The following RNPS1 variants were observed in gnomAD, a reference collection of about 807,000 sequenced individuals.
RNPS1 encodes the protein RNA binding protein with serine rich domain 1.
For synonymous variants in RNPS1, 147 were observed against 150.0 expected (o/e 0.98, Z 0.15); for missense variants, 300 against 427.6 (o/e 0.70, Z 2.63).
chr16:2,258,321 C>T (rs983538600), intron 6 of RNPS1: 1 of 152,236 alleles, frequency 6.6e-6, no homozygotes. Context: ...AAATGTTAAT[C>T]TACGCATATT....
intron 7 of RNPS1, 108 bp from the exon 8 acceptor site, chr16:2,254,171 C>CT (rs2093565911): frequency 2.5e-6 from 2 of 800,358 alleles, no homozygotes; most frequent in Non-Finnish European, 3.8e-6. Context: ...GAATATCACT[C>CT]TGTCTCCAGG....
At chr16:2,263,589 G>A (rs546943743) in intron 3 of RNPS1, among the ~76,000 whole-genome samples, 11 of 152,308 alleles carry the variant, frequency 7.2e-5, no homozygotes, top group African/African-American at 2.6e-4. Context: ...AGGCTGGGAA[G>A]GCAGCTGCTG....
intron 6 of RNPS1, among the ~76,000 whole-genome samples, chr16:2,259,888 C>CA (rs975308998): frequency 2.6e-5 from 4 of 151,386 alleles, no homozygotes; most frequent in South Asian, 2.1e-4. Flanking sequence ...GACTCCGTCT[C>CA]AAAAAAAAGA....
At position 2,267,667 on chromosome 16, in the gene RNPS1, C is replaced by T. The variant is rs556282568; in HGVS notation, c.-118+388G>A. ...TACCCGTCCGCGTTCACTCACAACT[C>T]CCCCGTCCAGGCGCCGGGCCGCGAG... On this transcript the variant is annotated intron_variant, in intron 1 of 7. Transcript: ENST00000320225. The T allele has an allele frequency of 4.5e-4, 512 of 1,144,694 alleles. 1 individual carries two copies. In the African/African-American group the frequency reaches 7.9e-3, roughly 18 times the overall value. The allele number at this position is 1,144,694 out of a possible 1,614,324, so 70.9% of individuals were successfully genotyped here.
intron 7 of RNPS1, among the ~76,000 whole-genome samples, 200 bp downstream of exon 7, chr16:2,255,385 G>A (rs1344501411): frequency 1.3e-5 from 2 of 152,226 alleles, no homozygotes; most frequent in Non-Finnish European, 2.9e-5. Context: ...CTGTGTTGGT[G>A]CAACTCTAGG....
chr16:2,255,911 A>G, intron 6 of RNPS1, 185 bp from the exon 7 acceptor site: 1 of 620,936 alleles, frequency 1.6e-6, no homozygotes, highest in Non-Finnish European at 2.8e-6. Context: ...GTGGATCACG[A>G]GGTCAGGAGA....
At chr16:2,263,448 C>T (rs1373233586) in intron 3 of RNPS1, among the ~76,000 whole-genome samples, 161 bp from the exon 4 acceptor site, 1 of 152,170 alleles carries the variant, frequency 6.6e-6, no homozygotes, top group Non-Finnish European at 1.5e-5. Flanking sequence ...CCCAATCCCC[C>T]AGCAAGTCAG....
chr16:2,257,709 G>C (rs977965104), intron 6 of RNPS1: 1 of 152,212 alleles, frequency 6.6e-6, no homozygotes, highest in African/African-American at 2.4e-5. Context: ...CAGCTGATGT[G>C]AGCGCACAGA....
chr16:2,264,640 C>T lies in RNPS1; in HGVS notation c.4G>A (p.Asp2Asn). M[D>N]LSGVKKKSLL... Reference sequence around the variant, plus strand: ...CTCTTCTTTTTCACTCCTGATAAATCCATTCTCCCCTTCTGAGGTGTTCAA... The same window carrying T: ...CTCTTCTTTTTCACTCCTGATAAATTCATTCTCCCCTTCTGAGGTGTTCAA... The change falls in exon 2 of 8, where the codon GAT becomes AAT. Residue 2 changes from aspartate to asparagine, a missense_variant. Transcript: ENST00000320225. 6.2e-7 allele frequency: 1 copy of T among 1,612,414 alleles called. No homozygotes were observed. The highest frequency in any genetic ancestry group is 8.5e-7 in the Non-Finnish European group (1 of 1,179,844).
intron 1 of RNPS1, chr16:2,266,724 G>C: frequency 1.0e-6 from 1 of 985,184 alleles, no homozygotes; most frequent in Non-Finnish European, 1.2e-6. Flanking sequence ...AATAGAAACC[G>C]TGTGAGGAGC....
chr16:2,263,393 T>C, intron 3 of RNPS1, 106 bp from the exon 4 acceptor site: 1 of 1,144,960 alleles, frequency 8.7e-7, no homozygotes, highest in South Asian at 1.4e-5. Context: ...GCTGTTCGGG[T>C]GCCTCCAGGC....
intron 1 of RNPS1, 42 bp downstream of exon 1, chr16:2,268,013 G>GC (rs1013175394): frequency 1.0e-5 from 16 of 1,533,662 alleles, no homozygotes; most frequent in Non-Finnish European, 1.3e-5. Context: ...CTGCCGGGCA[G>GC]CCCCCGAAAC....
intron 6 of RNPS1, among the ~76,000 whole-genome samples, chr16:2,260,344 C>T (rs1007091377): frequency 2.6e-4 from 40 of 151,780 alleles, no homozygotes; most frequent in Admixed American, 6.6e-4. Flanking sequence ...TTATTAGAGA[C>T]GGGGTTTCAC....
intron 6 of RNPS1, among the ~76,000 whole-genome samples, chr16:2,259,688 G>C (rs2093594352): frequency 6.6e-6 from 1 of 152,324 alleles, no homozygotes; most frequent in East Asian, 1.9e-4. Context: ...AGGAGATCCA[G>C]ACCATCCTGG....
rs761829382 is a variant in RNPS1 at position 2,254,052 on chromosome 16, G to A, written c.830C>T (p.Pro277Leu). ...PPRMRRRSRS[P>L]RRRSPVRRRS... ...CCGGCGCACGGGGGACCTGCGCCTC[G>A]GGGAGCGGGACCTGCGGGAAGAGGA... The change falls in exon 8 of 8, where the codon CCG becomes CTG. Residue 277 changes from proline (P) to leucine (L), a missense_variant. By Grantham distance (98) the Pro-to-Leu change is moderately conservative. Coordinates refer to ENST00000320225, the MANE Select transcript of RNPS1 (RefSeq NM_080594.4). The A allele has an allele frequency of 1.0e-5, 15 of 1,488,248 alleles. No homozygotes were observed. The highest frequency in any genetic ancestry group is 5.0e-5 in the East Asian group (2 of 40,218). The allele number at this position is 1,488,248 out of a possible 1,614,324, so 92.2% of individuals were successfully genotyped here. A position where few individuals can be genotyped will look rare whatever the true frequency, so the allele number is the denominator to read the frequency against.
intron 2 of RNPS1, 85 bp downstream of exon 2, chr16:2,264,488 G>A: frequency 3.9e-6 from 6 of 1,527,130 alleles, no homozygotes; most frequent in Non-Finnish European, 5.4e-6. Flanking sequence ...GTAGAATGCA[G>A]AACATTCTCA....
rs979920514 is a variant in RNPS1, at chr16:2,259,615, T to C, written c.676+2663A>G. Among the ~76,000 whole-genome samples the C allele has an allele frequency of 2.6e-5, 4 of 152,274 alleles. 1 individual carries two copies. Among genetic ancestry groups the C allele is most frequent in the Admixed American group, 6.5e-5 (1 of 15,290 alleles). ...CTTAAAGAGCTAAAATAAGGCCGGG[T>C]GCAGTGGCTCACGCCTGTAATCCCA... On this transcript the variant is annotated intron_variant, in intron 6 of 7. Coordinates refer to ENST00000320225, the MANE Select transcript of RNPS1 (RefSeq NM_080594.4).
intron 6 of RNPS1, chr16:2,256,589 G>C (rs2093579692): frequency 6.6e-6 from 1 of 152,344 alleles, no homozygotes; most frequent in East Asian, 1.9e-4. Context: ...AGAATGTGCT[G>C]GAATCTGCTA....
chr16:2,261,081 G>A (rs1350054428), intron 6 of RNPS1, among the ~76,000 whole-genome samples: 2 of 152,032 alleles, frequency 1.3e-5, no homozygotes, highest in Admixed American at 6.6e-5. Context: ...AGTGGGCCGA[G>A]GTGGTGCTAC....
Sources: gnomAD v4.1 joint callset for allele counts (sites outside exome capture counted in the v4.1 genomes callset) on GRCh38, gnomAD v4.1.1 for gene constraint, MANE v1.5 for transcripts, NCBI Gene and HGNC (gene_info 2026-07-23, HGNC 2026-07-21) for gene names.